The following ABR variants were observed in gnomAD, a reference collection of about 807,000 sequenced individuals.
The protein encoded by ABR is active breakpoint cluster region-related protein.
In ABR, 35 loss-of-function variants were observed where a neutral mutation model predicts 107.2. That is an observed-to-expected ratio of 0.33 (90% CI 0.25 to 0.43). The LOEUF is 0.43. Ranked by LOEUF, ABR falls within the 20% of genes least tolerant of loss-of-function variation. ABR has a pLI of 1.00. For missense variants in ABR, 815 were observed against 1,115.2 expected, an observed-to-expected ratio of 0.73 and a Z score of 3.83; for synonymous variants, 498 against 462.0, an observed-to-expected ratio of 1.08 and a Z score of -1.00.
chr17:1,103,174 G>A (rs1481584220), intron 2 of ABR, among the ~76,000 whole-genome samples: 2 of 152,180 alleles, frequency 1.3e-5, no homozygotes, highest in African/African-American at 4.8e-5. Context: ...CAGGAACTGA[G>A]CTTAGCTATC....
At chr17:1,160,520 G>C (rs73975662) in intron 1 of ABR, among the ~76,000 whole-genome samples, 20 of 152,292 alleles carry the variant, frequency 1.3e-4, no homozygotes, top group Non-Finnish European at 2.5e-4. Flanking sequence ...GTGAATGTCC[G>C]TTCATTCATT....
At chr17:1,108,847 C>G (rs2038445804) in intron 2 of ABR, 1 of 1,431,836 alleles carries the variant, frequency 7.0e-7, no homozygotes, top group Non-Finnish European at 9.2e-7. Context: ...GCCGCGCGCT[C>G]TGCGCCCGCA....
chr17:1,145,836 C>T (rs894248285), intron 1 of ABR, among the ~76,000 whole-genome samples: 4 of 152,212 alleles, frequency 2.6e-5, no homozygotes, highest in African/African-American at 7.2e-5. Flanking sequence ...GCAGAAGTCG[C>T]CCAAGGCGTC....
At chr17:1,225,161 A>G (rs2043191396) in intron 1 of ABR, among the ~76,000 whole-genome samples, 1 of 141,668 alleles carries the variant, frequency 7.1e-6, no homozygotes, top group South Asian at 2.2e-4. Flanking sequence ...AAAAAAAAAA[A>G]AAGAAAAGAA....
chr17:1,102,006 T>G (rs2037929403), intron 2 of ABR, among the ~76,000 whole-genome samples: 1 of 152,156 alleles, frequency 6.6e-6, no homozygotes, highest in Non-Finnish European at 1.5e-5. Flanking sequence ...GTGCTGGGAT[T>G]ACAGGTGTGA....
intron 2 of ABR, among the ~76,000 whole-genome samples, chr17:1,122,201 C>T (rs528980828): frequency 6.6e-6 from 1 of 152,196 alleles, no homozygotes; most frequent in African/African-American, 2.4e-5. Context: ...CCGCGCCCAG[C>T]CTGAGAGTAA....
intron 1 of ABR, among the ~76,000 whole-genome samples, chr17:1,162,351 A>G (rs2041334012): frequency 6.6e-6 from 1 of 152,210 alleles, no homozygotes; most frequent in African/African-American, 2.4e-5. Flanking sequence ...CTGCACCTAG[A>G]CACAGCCTGG....
chr17:1,206,568 T>G (rs1004538421), intron 1 of ABR, among the ~76,000 whole-genome samples: 1 of 152,090 alleles, frequency 6.6e-6, no homozygotes, highest in Non-Finnish European at 1.5e-5. Flanking sequence ...AATAACCAGC[T>G]TTCGTTTCTG....
chr17:1,134,940 C>T (rs776560419), intron 1 of ABR, among the ~76,000 whole-genome samples: 15 of 152,232 alleles, frequency 9.9e-5, no homozygotes, highest in Non-Finnish European at 1.8e-4. Context: ...GTGCACGGGC[C>T]GCTGCGGGGG....
chr17:1,010,788 C>T lies in ABR; in HGVS notation c.2177G>A (p.Arg726Gln), dbSNP rs2070467144. The T allele has an allele frequency of 6.2e-7, 1 of 1,613,820 alleles. No individual in the cohort carries two copies. The highest frequency in any genetic ancestry group is 1.1e-5 in the South Asian group (1 of 91,086). The change falls in exon 20 of 23, where the codon CGG becomes CAG. Residue 726 changes from arginine to glutamine, a missense_variant. Arg to Gln is a conservative substitution (Grantham distance 43). Around this residue, in one of 5 missense-constraint regions of ABR, gnomAD observed 175 missense variants for 284.3 expected, o/e 0.62. Transcript: ENST00000302538. The surrounding 1 kb of genome is among the most constrained non-coding windows in gnomAD (Gnocchi z 4.1). ...CGTGAGGAGCGGCTCGGGCAGTTCC[C>T]GGAAGTACAGCTTGAGCGTCCCGGC... ...AIAGTLKLYF[R>Q]ELPEPLLTDR...
At chr17:1,099,086 C>CTT (rs200011417) in intron 3 of ABR, among the ~76,000 whole-genome samples, 1 of 150,436 alleles carries the variant, frequency 6.6e-6, no homozygotes, top group Admixed American at 6.6e-5. Context: ...TGCACCCAGC[C>CTT]TTTTTTTTTG....
intron 1 of ABR, among the ~76,000 whole-genome samples, chr17:1,192,387 CAG>C (rs1310081446): frequency 5.4e-5 from 5 of 91,852 alleles, no homozygotes; most frequent in African/African-American, 1.5e-4. Context: ...CCAGAAATCA[CAG>C]AGAGGGAAAG....
At chr17:1,124,885 G>T (rs931507078) in intron 2 of ABR, among the ~76,000 whole-genome samples, 13 of 152,160 alleles carry the variant, frequency 8.5e-5, no homozygotes, top group African/African-American at 2.9e-4. Flanking sequence ...CTCTGGAGGA[G>T]ACAGGCTAAC....
At chr17:1,137,992 C>T (rs1166353958) in intron 1 of ABR, among the ~76,000 whole-genome samples, 2 of 151,818 alleles carry the variant, frequency 1.3e-5, no homozygotes, top group Non-Finnish European at 2.9e-5. Context: ...CCTCCGCCTC[C>T]TGGGTTCAAG....
Position 1,229,089 on chromosome 17 carries a change from C to T in ABR, c.542G>A (p.Cys181Tyr), listed in dbSNP as rs2043282614. Residue 181 changes from cysteine to tyrosine, a missense_variant, in exon 1 of 23, where the codon TGC becomes TAC. Transcript: ENST00000574139. Reference sequence around the variant, plus strand: ...CGCCCGCTCGCGGGTCCCGAACCGGCAAGGGGCCACCAGCCAGTGGCTGAG... The same window carrying T: ...CGCCCGCTCGCGGGTCCCGAACCGGTAAGGGGCCACCAGCCAGTGGCTGAG... The T allele has an allele frequency of 2.0e-5, 3 of 151,722 alleles. No homozygotes were observed. In the South Asian group the frequency reaches 6.2e-4, roughly 31 times the overall value. 9.4% of individuals were successfully genotyped at this position (151,722 alleles called of 1,614,324 possible).
At chr17:1,162,393 TC>T (rs2041336601) in intron 1 of ABR, among the ~76,000 whole-genome samples, 1 of 152,124 alleles carries the variant, frequency 6.6e-6, no homozygotes, top group South Asian at 2.1e-4. Flanking sequence ...GGATCCCCTC[TC>T]CCTGCTTCTC....
intron 6 of ABR, 89 bp from the exon 7 acceptor site, chr17:1,073,766 A>G (rs2035450926): frequency 8.1e-7 from 1 of 1,234,916 alleles, no homozygotes. Flanking sequence ...CCCCACCCGC[A>G]TGCTTCCCAC....
intron 1 of ABR, among the ~76,000 whole-genome samples, chr17:1,142,723 G>A (rs2040338664): frequency 6.6e-6 from 1 of 152,204 alleles, no homozygotes; most frequent in South Asian, 2.1e-4. Context: ...ATTCGCTGGG[G>A]AAGAGAAGAC....
chr17:1,158,270 T>G (rs563328969), intron 1 of ABR, among the ~76,000 whole-genome samples: 6 of 151,996 alleles, frequency 3.9e-5, no homozygotes, highest in African/African-American at 1.4e-4. Flanking sequence ...TATTTATTTT[T>G]TTTAAAGTAG....
Sources: gnomAD v4.1 joint callset for allele counts (sites outside exome capture counted in the v4.1 genomes callset) on GRCh38, gnomAD v4.1.1 for gene constraint, gnomAD v4.1.1 regional missense constraint, Gnocchi (gnomAD v3.1) non-coding constraint, MANE v1.5 for transcripts, NCBI Gene and HGNC (gene_info 2026-07-23, HGNC 2026-07-21) for gene names.